SOS2: variants seen among roughly 807,000 people sequenced by gnomAD.
SOS2 encodes SOS Ras/Rho guanine nucleotide exchange factor 2.
SOS2 carries 65 observed loss-of-function variants against 148.2 expected under a neutral mutation model. The observed-to-expected ratio is 0.44, with a 90% CI of 0.36 to 0.54. The LOEUF (loss-of-function observed/expected upper bound fraction) is 0.54. Ranked by LOEUF, SOS2 falls within the 20% of genes least tolerant of loss-of-function variation. SOS2 has a pLI of 0.00. For synonymous variants in SOS2, 539 were observed against 537.1 expected, an observed-to-expected ratio of 1.00 and a Z score of -0.05; for missense variants, 1,341 against 1,590.2, an observed-to-expected ratio of 0.84 and a Z score of 2.67.
At chr14:50,215,987 T>C (rs1432203045) in intron 1 of SOS2, among the ~76,000 whole-genome samples, 2 of 152,248 alleles carry the variant, frequency 1.3e-5, no homozygotes, top group Admixed American at 1.3e-4. Context: ...CTGATATTTA[T>C]TTTTGCCAAA....
intron 18 of SOS2, among the ~76,000 whole-genome samples, chr14:50,134,577 C>T (rs1317464843): frequency 1.3e-5 from 2 of 152,052 alleles, no homozygotes; most frequent in Non-Finnish European, 2.9e-5. Context: ...AAATGATCAT[C>T]ACTAGTAAGC....
intron 1 of SOS2, among the ~76,000 whole-genome samples, chr14:50,217,395 A>C (rs111305415): frequency 7.2e-5 from 11 of 152,312 alleles, no homozygotes; most frequent in African/African-American, 2.6e-4. Context: ...TATAAAATTT[A>C]AACTATAAAA....
intron 12 of SOS2, chr14:50,155,946 T>A (rs1337503248): frequency 6.6e-6 from 1 of 152,188 alleles, no homozygotes; most frequent in Non-Finnish European, 1.5e-5. Flanking sequence ...CATCTTCTTA[T>A]ACAAAGAATG....
chr14:50,183,929 T>C (rs911201129), intron 5 of SOS2, among the ~76,000 whole-genome samples: 1 of 152,340 alleles, frequency 6.6e-6, no homozygotes, highest in South Asian at 2.1e-4. Context: ...ATATCACGGC[T>C]AGATGATATA....
Position 50,217,817 on chromosome 14 carries a change from G to A in SOS2, c.87+13380C>T, listed in dbSNP as rs892598958. ...TAAAAATACAAAAAATTAGCTGGGC[G>A]TGGTGGCGGGCGCCTGTAGTCCCAG... On this transcript the variant is annotated intron_variant, in intron 1 of 22. Transcript: ENST00000216373. Among the ~76,000 whole-genome samples the A allele has an allele frequency of 3.3e-5, 5 of 152,032 alleles. No individual in the cohort carries two copies. In the East Asian group the frequency reaches 5.8e-4, roughly 18 times the overall value.
intron 14 of SOS2, among the ~76,000 whole-genome samples, chr14:50,147,794 A>G (rs943798237): frequency 6.6e-6 from 1 of 152,324 alleles, no homozygotes; most frequent in Non-Finnish European, 1.5e-5. Flanking sequence ...AGAAGAGCAG[A>G]TTAAAACATT....
At chr14:50,200,578 G>A (rs75199367) in intron 3 of SOS2, among the ~76,000 whole-genome samples, 1,430 of 142,424 alleles carry the variant, frequency 0.01, 16 homozygotes, top group Middle Eastern at 0.066. Context: ...CAGGCCTGAT[G>A]GCTCATGACT....
intron 16 of SOS2, among the ~76,000 whole-genome samples, chr14:50,142,164 T>C (rs746171605): frequency 2.4e-4 from 37 of 152,018 alleles, no homozygotes; most frequent in South Asian, 4.2e-4. Context: ...CCCGCCAGCA[T>C]GCCTGGGTAA....
At chr14:50,161,230 C>A (rs7154198) in intron 9 of SOS2, among the ~76,000 whole-genome samples, 1 of 150,666 alleles carries the variant, frequency 6.6e-6, no homozygotes, top group East Asian at 2.0e-4. Flanking sequence ...GAGGCTAAGG[C>A]TGCAGGTTGC....
At chr14:50,131,733 A>G (rs1206124042) in intron 19 of SOS2, among the ~76,000 whole-genome samples, 2 of 152,206 alleles carry the variant, frequency 1.3e-5, no homozygotes, top group Non-Finnish European at 2.9e-5. Context: ...TACTTTATGA[A>G]AAGTTTATGG....
chr14:50,199,958 T>C, intron 3 of SOS2, 103 bp from the exon 4 acceptor site: 1 of 692,062 alleles, frequency 1.4e-6, no homozygotes, highest in Non-Finnish European at 2.4e-6. Flanking sequence ...AAATTTTCTA[T>C]TAACTACATG....
At chr14:50,171,030 C>T (rs1448179407) in intron 8 of SOS2, among the ~76,000 whole-genome samples, 1 of 151,406 alleles carries the variant, frequency 6.6e-6, no homozygotes, top group Non-Finnish European at 1.5e-5. Flanking sequence ...AGGAGAATCG[C>T]TTGAACCTGG....
At chr14:50,162,260 C>T (rs551244194) in intron 8 of SOS2, among the ~76,000 whole-genome samples, 1 of 152,020 alleles carries the variant, frequency 6.6e-6, no homozygotes, top group Non-Finnish European at 1.5e-5. Context: ...TAAGGCTTCC[C>T]GAGTAGCTGG....
chr14:50,135,767 T>C (rs1258091982), intron 18 of SOS2, among the ~76,000 whole-genome samples: 2 of 150,138 alleles, frequency 1.3e-5, no homozygotes, highest in African/African-American at 2.4e-5. Context: ...TTTAACTCTA[T>C]AGTATTTCAT....
At chr14:50,189,059 C>T in intron 4 of SOS2, among the ~76,000 whole-genome samples, 1 of 71,136 alleles carries the variant, frequency 1.4e-5, no homozygotes, top group Non-Finnish European at 2.9e-5. Context: ...AGCGAGACTC[C>T]ATCACACACA....
chr14:50,144,357 C>T lies in SOS2; in HGVS notation c.2667+813G>A, dbSNP rs564678523. Among the ~76,000 whole-genome samples the T allele has an allele frequency of 4.1e-4, 63 of 151,950 alleles. 1 individual carries two copies. In the South Asian group the frequency reaches 0.013, roughly 31 times the overall value. On this transcript the variant is annotated intron_variant, in intron 16 of 22. Coordinates refer to ENST00000216373, the MANE Select transcript of SOS2 (RefSeq NM_006939.4). ...CAATTTTGTTATTAAAATATATATG[C>T]AAAATATCTTCCTATTTTCTATATC...
chr14:50,174,759 T>G (rs528872191), intron 7 of SOS2, among the ~76,000 whole-genome samples: 1 of 152,230 alleles, frequency 6.6e-6, no homozygotes, highest in African/African-American at 2.4e-5. Flanking sequence ...ATATATACAT[T>G]AATTTTCTTT....
Position 50,153,243 on chromosome 14 carries a change from G to A in SOS2, c.2058-70C>T, listed in dbSNP as rs140795640. 196 of 819,424 alleles carry A rather than the reference G, an allele frequency of 2.4e-4. 1 individual carries two copies. The East Asian group carries it at 4.6e-3, about 19-fold the overall frequency. The allele number at this position is 819,424 out of a possible 1,614,324, so 50.8% of individuals were successfully genotyped here. ...CAATTACACTTCTTCCTTCTCTAATGCCACGATAATAGCTTTACATACAAG... is the reference window on the plus strand; with the variant it reads ...CAATTACACTTCTTCCTTCTCTAATACCACGATAATAGCTTTACATACAAG... On this transcript the variant is annotated intron_variant, in intron 12 of 22. Transcript: ENST00000216373.
chr14:50,128,771 T>C (rs1469013557), intron 21 of SOS2, among the ~76,000 whole-genome samples: 1 of 152,162 alleles, frequency 6.6e-6, no homozygotes, highest in Non-Finnish European at 1.5e-5. Flanking sequence ...TATGTCACTT[T>C]GATAAATTTT....
Sources: allele counts gnomAD v4.1 joint callset (sites outside exome capture counted in the v4.1 genomes callset), GRCh38; gene constraint gnomAD v4.1.1; transcripts MANE v1.5; gene names NCBI Gene and HGNC (gene_info 2026-07-23, HGNC 2026-07-21).